The following EBF1 variants were observed in gnomAD, a reference collection of about 807,000 sequenced individuals.
EBF1 encodes EBF transcription factor 1.
In EBF1, 10 loss-of-function variants were observed where a neutral mutation model predicts 68.4. The observed-to-expected ratio is 0.15, with a 90% CI of 0.09 to 0.25. The LOEUF (loss-of-function observed/expected upper bound fraction) is 0.25, where lower values mean the gene tolerates loss of function less well. EBF1 is among the 10% of genes least tolerant of loss of function. The probability of loss-of-function intolerance (pLI) is 1.00; values close to 1 mark genes in which losing one functional copy is unlikely to be tolerated. For synonymous variants in EBF1, 298 were observed against 299.8 expected (o/e 0.99, Z 0.06); for missense variants, 509 against 794.4 (o/e 0.64, Z 4.32).
intron 6 of EBF1, among the ~76,000 whole-genome samples, chr5:159,041,580 T>C (rs768411154): frequency 4.6e-5 from 7 of 152,306 alleles, no homozygotes; most frequent in Middle Eastern, 3.4e-3. Context: ...AAAGCAGATG[T>C]AGAAAATATT....
chr5:158,874,098 C>A (rs1369552069), intron 6 of EBF1, among the ~76,000 whole-genome samples: 1 of 152,122 alleles, frequency 6.6e-6, no homozygotes, highest in East Asian at 1.9e-4. Context: ...TCATGAGTTT[C>A]CACTGGTAGA....
At chr5:159,051,858 C>G (rs1158374301) in intron 6 of EBF1, among the ~76,000 whole-genome samples, 1 of 152,098 alleles carries the variant, frequency 6.6e-6, no homozygotes, top group Non-Finnish European at 1.5e-5. Flanking sequence ...AAAGTCATCT[C>G]GGCCACCACC....
chr5:159,099,336 A>T lies in EBF1; in HGVS notation c.134+9T>A. 1 of 1,558,932 alleles carries T rather than the reference A, an allele frequency of 6.4e-7. No individual in the cohort carries two copies. The highest frequency in any genetic ancestry group is 1.2e-5 in the South Asian group (1 of 85,352). On this transcript the variant is annotated intron_variant, in intron 1 of 15. Transcript: ENST00000313708. ...CTCACCTCGGCCGCGGTCCCCGCGC[A>T]GTACCCACCTCTGCGCCGCCGTGTT...
rs1170847073 is a variant in EBF1, at chr5:158,712,988, A to G, written c.1351T>C (p.Ser451Pro). ...GQLAVNVSEA[S>P]QATNQGFTRN... Reference sequence around the variant, plus strand: ...TTCTGACCCTGATTGGTGGCTTGTGATGCCTCGGAGACATTCACGGCCAGT... The same window carrying G: ...TTCTGACCCTGATTGGTGGCTTGTGGTGCCTCGGAGACATTCACGGCCAGT... The change falls in exon 13 of 16, where the codon TCA (serine) becomes CCA (proline). Residue 451 changes from serine to proline, a missense_variant. By Grantham distance (74) the Ser-to-Pro change is moderately conservative (BLOSUM62 -1). Transcript: ENST00000313708. The G allele has an allele frequency of 3.3e-6, 5 of 1,494,390 alleles. No individual in the cohort carries two copies. Among genetic ancestry groups the G allele is most frequent in the Middle Eastern group, 1.8e-4 (1 of 5,598 alleles). 92.6% of individuals were successfully genotyped at this position (1,494,390 alleles called of 1,614,324 possible).
At chr5:158,781,022 C>T (rs10071439) in intron 9 of EBF1, among the ~76,000 whole-genome samples, 1 of 152,100 alleles carries the variant, frequency 6.6e-6, no homozygotes, top group Non-Finnish European at 1.5e-5. Context: ...GTAGCATCTG[C>T]CACTACTCTT....
chr5:158,906,469 C>A (rs1181960767), intron 6 of EBF1, among the ~76,000 whole-genome samples: 1 of 152,120 alleles, frequency 6.6e-6, no homozygotes, highest in Non-Finnish European at 1.5e-5. Flanking sequence ...GGTGCTGTCA[C>A]TTACCTGAAC....
chr5:158,979,803 A>T (rs1232570542), intron 6 of EBF1, among the ~76,000 whole-genome samples: 1 of 152,206 alleles, frequency 6.6e-6, no homozygotes, highest in African/African-American at 2.4e-5. Flanking sequence ...GGCAGTAATA[A>T]CGCTAATCAA....
At chr5:159,008,590 A>G (rs1237485170) in intron 6 of EBF1, among the ~76,000 whole-genome samples, 1 of 150,954 alleles carries the variant, frequency 6.6e-6, no homozygotes, top group Non-Finnish European at 1.5e-5. Flanking sequence ...CAGTGGCACA[A>G]TCTGGACTCA....
chr5:158,775,250 G>A (rs1173430695), intron 10 of EBF1, among the ~76,000 whole-genome samples: 1 of 151,678 alleles, frequency 6.6e-6, no homozygotes, highest in Admixed American at 6.6e-5. Flanking sequence ...AATAATGATG[G>A]ATCCCTAGCT....
At chr5:158,962,095 A>C (rs887527025) in intron 6 of EBF1, among the ~76,000 whole-genome samples, 1 of 152,216 alleles carries the variant, frequency 6.6e-6, no homozygotes, top group Non-Finnish European at 1.5e-5. Flanking sequence ...CGATGGCAGC[A>C]CAGGACTGTG....
intron 1 of EBF1, among the ~76,000 whole-genome samples, chr5:159,099,108 G>A (rs534711499): frequency 1.1e-4 from 16 of 152,280 alleles, no homozygotes; most frequent in African/African-American, 3.8e-4. Flanking sequence ...GACGAGGCAG[G>A]GGAAAGTGCT....
intron 9 of EBF1, among the ~76,000 whole-genome samples, chr5:158,793,047 G>A (rs1289440344): frequency 1.3e-5 from 2 of 152,154 alleles, no homozygotes; most frequent in Non-Finnish European, 2.9e-5. Context: ...AAGCCCTGGG[G>A]TTGGACTGTT....
At chr5:158,854,743 C>T (rs549309403) in intron 6 of EBF1, among the ~76,000 whole-genome samples, 7 of 152,180 alleles carry the variant, frequency 4.6e-5, no homozygotes, top group South Asian at 2.1e-4. Context: ...TGAAAGAAGA[C>T]GCCATCAAAC....
At chr5:158,812,169 A>C (rs1582116530) in intron 8 of EBF1, among the ~76,000 whole-genome samples, 1 of 152,232 alleles carries the variant, frequency 6.6e-6, no homozygotes, top group Admixed American at 6.5e-5. Flanking sequence ...ATTGGCAGTC[A>C]GTCAATAAAC....
chr5:158,702,291 C>T (rs1561670844), intron 15 of EBF1, among the ~76,000 whole-genome samples: 1 of 151,962 alleles, frequency 6.6e-6, no homozygotes, highest in Non-Finnish European at 1.5e-5. Flanking sequence ...GGATGGGTGT[C>T]TGGAGCTTGG....
intron 14 of EBF1, among the ~76,000 whole-genome samples, chr5:158,711,512 A>G (rs2127485578): frequency 1.3e-5 from 2 of 152,288 alleles, no homozygotes; most frequent in Middle Eastern, 6.8e-3. Context: ...GTTCCTTCCC[A>G]ATTTTACAGA....
intron 6 of EBF1, among the ~76,000 whole-genome samples, chr5:158,851,342 G>A (rs1383302150): frequency 2.3e-5 from 3 of 131,516 alleles, no homozygotes; most frequent in Non-Finnish European, 4.8e-5. Context: ...GTGACAGAGT[G>A]AGACGCTGTC....
intron 6 of EBF1, among the ~76,000 whole-genome samples, chr5:158,912,494 C>T (rs888626873): frequency 2.0e-5 from 3 of 152,176 alleles, no homozygotes; most frequent in African/African-American, 7.2e-5. Flanking sequence ...TCATAAAAAT[C>T]ACCTGAGAAT....
intron 4 of EBF1, among the ~76,000 whole-genome samples, chr5:159,092,781 C>T (rs746806149): frequency 6.6e-6 from 1 of 152,158 alleles, no homozygotes; most frequent in Non-Finnish European, 1.5e-5. Context: ...TGAACAGTGG[C>T]TAGGTATTCC....
Sources: gnomAD v4.1 joint callset for allele counts (sites outside exome capture counted in the v4.1 genomes callset) on GRCh38, gnomAD v4.1.1 for gene constraint, MANE v1.5 for transcripts, NCBI Gene and HGNC (gene_info 2026-07-23, HGNC 2026-07-21) for gene names.